The following CDH18 variants were observed in gnomAD, a reference collection of about 807,000 sequenced individuals.
The protein encoded by CDH18 is cadherin-18.
CDH18 carries 31 observed loss-of-function variants against 67.9 expected under a neutral mutation model. That is an observed-to-expected ratio of 0.46 (90% CI 0.34 to 0.62). The LOEUF is 0.62. Ranked by LOEUF, CDH18 falls within the 20% of genes least tolerant of loss-of-function variation. The probability of loss-of-function intolerance (pLI) is 0.01; values close to 1 mark genes in which losing one functional copy is unlikely to be tolerated. For synonymous variants in CDH18, 362 were observed against 347.2 expected, an observed-to-expected ratio of 1.04 and a Z score of -0.48; for missense variants, 890 against 975.5, an observed-to-expected ratio of 0.91 and a Z score of 1.17.
chr5:20,547,500 G>A (rs1757404812), intron 1 of CDH18, among the ~76,000 whole-genome samples: 1 of 151,558 alleles, frequency 6.6e-6, no homozygotes, highest in African/African-American at 2.4e-5. Context: ...GGCAGAGGTT[G>A]CAATGAGTCG....
chr5:20,485,734 C>T (rs575637711), intron 1 of CDH18, among the ~76,000 whole-genome samples: 1 of 152,218 alleles, frequency 6.6e-6, no homozygotes, highest in African/African-American at 2.4e-5. Context: ...TCTATAAGTG[C>T]ATCTTTATGC....
rs571217263 is a variant in CDH18 at position 19,873,558 on chromosome 5, C to T, written c.-256-34316G>A. 1.7e-3 allele frequency among the ~76,000 whole-genome samples: 260 copies of T among 152,156 alleles called. 4 individuals carry two copies. In the South Asian group the frequency reaches 0.026, roughly 15 times the overall value. ...ACATTCCCTAGTAGTTGATAAAAAACGGAAGCTAAAGATTTGAAGCCTTTG... is the reference window on the plus strand; with the variant it reads ...ACATTCCCTAGTAGTTGATAAAAAATGGAAGCTAAAGATTTGAAGCCTTTG... On this transcript the variant is annotated intron_variant, in intron 2 of 12. Transcript: ENST00000382275.
rs146843291 is a variant in CDH18, at chr5:19,563,521, T to C, written c.1253+8058A>G. ...CAACATGGGATTGCTCATCTCTCAGTAGCTAATCTGTGAAATTCCTGAATT... is the reference window on the plus strand; with the variant it reads ...CAACATGGGATTGCTCATCTCTCAGCAGCTAATCTGTGAAATTCCTGAATT... On this transcript the variant is annotated intron_variant, in intron 8 of 12. Coordinates refer to ENST00000382275, the MANE Select transcript of CDH18 (RefSeq NM_004934.5). Among the ~76,000 whole-genome samples the C allele has an allele frequency of 1.5e-3, 234 of 152,266 alleles. 1 individual carries two copies. Among genetic ancestry groups the C allele is most frequent in the African/African-American group, 5.2e-3 (215 of 41,500 alleles).
At chr5:20,042,954 TC>T in intron 2 of CDH18, among the ~76,000 whole-genome samples, 1 of 151,924 alleles carries the variant, frequency 6.6e-6, no homozygotes, top group South Asian at 2.1e-4. Flanking sequence ...AGAGCCAGAC[TC>T]CGTCTCAAAA....
Position 19,595,411 on chromosome 5 carries a change from G to A in CDH18, c.812-4167C>T, listed in dbSNP as rs190559974. ...TTATTTGAACCTGGTACGGTGGCTC[G>A]AGACCTGTTCGAGACTAGCCTGACC... On this transcript the variant is annotated intron_variant, in intron 6 of 12. Transcript: ENST00000382275. Among the ~76,000 whole-genome samples, 105 of 152,240 alleles carry A rather than the reference G, an allele frequency of 6.9e-4. 1 individual carries two copies. Among genetic ancestry groups the A allele is most frequent in the Non-Finnish European group, 1.3e-3 (90 of 68,006 alleles).
At chr5:20,081,851 G>T (rs2150544642) in intron 2 of CDH18, among the ~76,000 whole-genome samples, 1 of 152,198 alleles carries the variant, frequency 6.6e-6, no homozygotes, top group Non-Finnish European at 1.5e-5. Context: ...GTACTGTGCT[G>T]ATTACCTGGT....
At chr5:19,522,616 C>T (rs578127308) in intron 9 of CDH18, among the ~76,000 whole-genome samples, 3 of 152,044 alleles carry the variant, frequency 2.0e-5, no homozygotes, top group Admixed American at 6.6e-5. Flanking sequence ...AATTGCACGC[C>T]GGGCATGGTG....
rs1237639700 is a variant in CDH18, at chr5:19,724,914, T to C, written c.524-3448A>G. 4.1e-5 allele frequency among the ~76,000 whole-genome samples: 6 copies of C among 147,094 alleles called. No homozygotes were observed. In the Admixed American group the frequency reaches 4.3e-4, roughly 11 times the overall value. ...TATAAAGTATAATTATTTATTAACA[T>C]AGCATATTAAGGCCTTTTTTTTTTT... On this transcript the variant is annotated intron_variant, in intron 4 of 12. Transcript: ENST00000382275.
chr5:19,700,203 C>T (rs1446746710), intron 5 of CDH18, among the ~76,000 whole-genome samples: 1 of 152,122 alleles, frequency 6.6e-6, no homozygotes, highest in Admixed American at 6.5e-5. Context: ...GGGTTCCTAA[C>T]CAAACTTTAT....
intron 2 of CDH18, among the ~76,000 whole-genome samples, chr5:20,000,153 G>A (rs1296456989): frequency 1.3e-5 from 2 of 152,142 alleles, no homozygotes; most frequent in African/African-American, 2.4e-5. Flanking sequence ...AGATGAATTA[G>A]AATAAGAGCC....
chr5:20,494,849 G>A (rs1753816104), intron 1 of CDH18, among the ~76,000 whole-genome samples: 1 of 152,104 alleles, frequency 6.6e-6, no homozygotes, highest in Non-Finnish European at 1.5e-5. Context: ...GAGGAAAGGA[G>A]CAGAAGGGAA....
intron 1 of CDH18, 64 bp downstream of exon 1, chr5:19,988,022 G>A (rs1004263285): frequency 6.6e-6 from 1 of 152,212 alleles, no homozygotes; most frequent in African/African-American, 2.4e-5. Flanking sequence ...GGGTAAAGCA[G>A]CCCCGCTGTA....
chr5:19,544,388 T>G (rs1406717362), intron 8 of CDH18, among the ~76,000 whole-genome samples: 1 of 152,060 alleles, frequency 6.6e-6, no homozygotes, highest in East Asian at 1.9e-4. Flanking sequence ...CAAAAAAAAT[T>G]AGAATCCTTG....
At chr5:19,954,152 G>C (rs1326821437) in intron 2 of CDH18, among the ~76,000 whole-genome samples, 1 of 151,936 alleles carries the variant, frequency 6.6e-6, no homozygotes, top group East Asian at 1.9e-4. Context: ...GATCATCTGG[G>C]ATTATGAACT....
chr5:20,548,076 C>G (rs1757437619), intron 1 of CDH18, among the ~76,000 whole-genome samples: 1 of 151,180 alleles, frequency 6.6e-6, no homozygotes, highest in African/African-American at 2.4e-5. Context: ...TATGTTCATA[C>G]TATATAGGGC....
intron 6 of CDH18, among the ~76,000 whole-genome samples, chr5:19,601,704 A>G (rs1747158091): frequency 6.6e-6 from 1 of 152,142 alleles, no homozygotes; most frequent in African/African-American, 2.4e-5. Flanking sequence ...ATTATTAACA[A>G]AATACTAGTA....
chr5:20,557,633 TA>T (rs1305301820), intron 1 of CDH18, among the ~76,000 whole-genome samples: 2 of 151,774 alleles, frequency 1.3e-5, no homozygotes, highest in Admixed American at 6.6e-5. Context: ...AATAGCACCA[TA>T]GGGGGAAAAA....
At chr5:19,810,095 C>T (rs1216444622) in intron 3 of CDH18, among the ~76,000 whole-genome samples, 1 of 152,012 alleles carries the variant, frequency 6.6e-6, no homozygotes, top group Admixed American at 6.6e-5. Flanking sequence ...TTTGGGATGC[C>T]GAGGTGAGCG....
chr5:19,549,184 G>C (rs1322090973), intron 8 of CDH18, among the ~76,000 whole-genome samples: 3 of 152,142 alleles, frequency 2.0e-5, no homozygotes, highest in Non-Finnish European at 4.4e-5. Flanking sequence ...TGGATTATGG[G>C]GGTGGATCCC....
Sources: gnomAD v4.1 joint callset for allele counts (sites outside exome capture counted in the v4.1 genomes callset) on GRCh38, gnomAD v4.1.1 for gene constraint, MANE v1.5 for transcripts, NCBI Gene and HGNC (gene_info 2026-07-23, HGNC 2026-07-21) for gene names.